TDP1: variants seen among roughly 807,000 people sequenced by gnomAD.
TDP1 encodes the protein tyrosyl-DNA phosphodiesterase 1.
A neutral mutation model predicts 81.5 loss-of-function variants in TDP1; 64 were observed. The ratio of observed to expected loss-of-function variants is 0.79; its 90% CI spans 0.64 to 0.97. The LOEUF (loss-of-function observed/expected upper bound fraction) is 0.97, where lower values mean the gene tolerates loss of function less well. Ranked by LOEUF, TDP1 falls within the 50% of genes least tolerant of loss-of-function variation. TDP1 has a pLI of 0.00. For missense variants in TDP1, 723 were observed against 743.8 expected (o/e 0.97, Z 0.33); for synonymous variants, 256 against 264.3 (o/e 0.97, Z 0.30).
intron 2 of TDP1, among the ~76,000 whole-genome samples, chr14:89,957,604 C>G (rs2139889655): frequency 6.6e-6 from 1 of 152,200 alleles, no homozygotes; most frequent in Middle Eastern, 3.4e-3. Flanking sequence ...AGAGAAATGC[C>G]CCAGCTGGGT....
intron 15 of TDP1, among the ~76,000 whole-genome samples, chr14:90,025,699 A>G (rs1399950377): frequency 6.6e-6 from 1 of 152,250 alleles, no homozygotes; most frequent in Non-Finnish European, 1.5e-5. Context: ...TAACTTTTAA[A>G]TTAGACTACG....
intron 15 of TDP1, among the ~76,000 whole-genome samples, chr14:90,030,981 T>C (rs1887213129): frequency 6.6e-6 from 1 of 151,950 alleles, no homozygotes; most frequent in South Asian, 2.1e-4. Flanking sequence ...CCATGTTGTC[T>C]AGGCTGGTCT....
At position 89,973,532 on chromosome 14, in the gene TDP1, T is replaced by G. The variant is rs35357053; in HGVS notation, c.757-2249T>G. ...TCCTCCTGATCTCTTGAAGCACCTT[T>G]ATACCTTGTCTGTAAGATAAAGTCT... On this transcript the variant is annotated intron_variant, in intron 6 of 16. Transcript: ENST00000335725. 1.6e-4 allele frequency among the ~76,000 whole-genome samples: 25 copies of G among 152,330 alleles called. No individual in the cohort carries two copies. In the East Asian group the frequency reaches 3.3e-3, roughly 20 times the overall value.
At chr14:89,969,343 G>A (rs1203941822) in intron 5 of TDP1, among the ~76,000 whole-genome samples, 1 of 152,176 alleles carries the variant, frequency 6.6e-6, no homozygotes, top group Non-Finnish European at 1.5e-5. Context: ...TTAGAAGGAT[G>A]AGGAGTGACC....
At chr14:89,958,923 C>T (rs1355197112) in intron 2 of TDP1, among the ~76,000 whole-genome samples, 10 of 152,186 alleles carry the variant, frequency 6.6e-5, no homozygotes, top group Admixed American at 1.3e-4. Flanking sequence ...TCAAATATAA[C>T]GTAGCCATAA....
intron 15 of TDP1, among the ~76,000 whole-genome samples, chr14:90,028,538 G>A (rs1052145183): frequency 2.0e-5 from 3 of 152,172 alleles, no homozygotes; most frequent in Non-Finnish European, 2.9e-5. Context: ...TTTTATAAAC[G>A]TATTGTCTTA....
rs529519401 is a variant in TDP1, at chr14:90,030,667, A to T, written c.1645-2439A>T. Among the ~76,000 whole-genome samples, 3 of 152,352 alleles carry T rather than the reference A, an allele frequency of 2.0e-5. No homozygotes were observed. The East Asian group carries it at 5.8e-4, about 29-fold the overall frequency. On this transcript the variant is annotated intron_variant, in intron 15 of 16. Coordinates refer to ENST00000335725, the MANE Select transcript of TDP1 (RefSeq NM_018319.4). ...GGAAAGGAACTTTAGTTCCATTTCT[A>T]CAGATCGGTATTTCTTGAACACCTA...
chr14:89,966,182 T>G lies in TDP1; in HGVS notation c.595T>G (p.Ser199Ala). The change falls in exon 4 of 17, where the codon TCA becomes GCA. Residue 199 changes from serine (S) to alanine (A), a missense_variant. Ser to Ala is a moderately conservative substitution (Grantham distance 99, BLOSUM62 1). Transcript: ENST00000335725. Reference protein sequence around the residue: ...LSPLFGTLVSSAQFNYCFDVD... With the variant: ...LSPLFGTLVSAAQFNYCFDVD... ...TCCTTTATTTGGGACGCTTGTTTCTTCAGCTCAGGTGAGTATACCTTTAAG... is the reference window on the plus strand; with the variant it reads ...TCCTTTATTTGGGACGCTTGTTTCTGCAGCTCAGGTGAGTATACCTTTAAG... 6.2e-7 allele frequency: 1 copy of G among 1,603,616 alleles called. No individual in the cohort carries two copies. Among genetic ancestry groups the G allele is most frequent in the Non-Finnish European group, 8.5e-7 (1 of 1,170,630 alleles).
chr14:89,993,806 A>T (rs1449608339), intron 14 of TDP1, among the ~76,000 whole-genome samples: 2 of 152,212 alleles, frequency 1.3e-5, no homozygotes, highest in Non-Finnish European at 2.9e-5. Flanking sequence ...AAATGTTAAA[A>T]TTAATATTTT....
rs34544576 is a variant in TDP1, at chr14:90,038,746, G to A, written c.1754-4324G>A. Among the ~76,000 whole-genome samples, 409 of 152,252 alleles carry A rather than the reference G, an allele frequency of 2.7e-3. 5 individuals are homozygous for A. The highest frequency in any genetic ancestry group is 9.6e-3 in the African/African-American group (399 of 41,542). On this transcript the variant is annotated intron_variant, in intron 16 of 16. Transcript: ENST00000335725. ...CCAAGTACTTGGGTGGCTGAGACAG[G>A]AGAATCACTTGAACCTGGGAGGTGG...
chr14:90,037,593 C>G (rs978660316), intron 16 of TDP1, among the ~76,000 whole-genome samples: 1 of 152,188 alleles, frequency 6.6e-6, no homozygotes, highest in Non-Finnish European at 1.5e-5. Context: ...ACACTCTTTA[C>G]CCAAGTTCCT....
intron 13 of TDP1, 68 bp downstream of exon 13, chr14:89,992,051 TTG>T: frequency 7.2e-7 from 1 of 1,382,534 alleles, no homozygotes; most frequent in Non-Finnish European, 1.0e-6. Flanking sequence ...TGTCACTGGT[TTG>T]TTTTTTTTTT....
intron 2 of TDP1, among the ~76,000 whole-genome samples, chr14:89,960,971 G>A (rs1332450438): frequency 2.6e-5 from 4 of 152,218 alleles, no homozygotes; most frequent in Non-Finnish European, 5.9e-5. Context: ...GGCCTGACAG[G>A]CTGGGAAGCA....
At chr14:90,030,204 C>T (rs11159945) in intron 15 of TDP1, among the ~76,000 whole-genome samples, 11,204 of 152,220 alleles carry the variant, frequency 0.074, 720 homozygotes, top group South Asian at 0.22. Flanking sequence ...GCCTGCCCTC[C>T]GTGTCTTCCC....
At chr14:89,973,222 T>A (rs1178122970) in intron 6 of TDP1, among the ~76,000 whole-genome samples, 1 of 152,246 alleles carries the variant, frequency 6.6e-6, no homozygotes, top group Admixed American at 6.5e-5. Context: ...TTTGCTTCTA[T>A]TTCCAGCAAC....
chr14:90,043,354 T>C lies in TDP1; in HGVS notation c.*211T>C, dbSNP rs1336106528. The stretch of plus-strand genomic sequence containing the variant: ...ATTAGTTTCTTAATTCACTTTTATA[T>C]GTTTTGGAAAGAAAATTAGTGAACT... On this transcript the variant is annotated 3_prime_UTR_variant, in exon 17 of 17. Transcript: ENST00000335725. The C allele has an allele frequency of 2.0e-5, 13 of 634,774 alleles. No homozygotes were observed. In the East Asian group the frequency reaches 3.3e-4, roughly 16 times the overall value. 39.3% of individuals were successfully genotyped at this position (634,774 alleles called of 1,614,324 possible). A position where few individuals can be genotyped will look rare whatever the true frequency, so the allele number is the denominator to read the frequency against.
chr14:89,956,210 C>G (rs1289940161), intron 1 of TDP1: 3 of 152,414 alleles, frequency 2.0e-5, no homozygotes, highest in African/African-American at 4.8e-5. Flanking sequence ...CTGCGGAGAC[C>G]TGTGTCCTGC....
chr14:89,955,911 A>C (rs1462353589), upstream of TDP1: 1 of 151,026 alleles, frequency 6.6e-6, no homozygotes, highest in African/African-American at 2.4e-5. Flanking sequence ...AACTGCGCGC[A>C]TGCGCGGCGG....
chr14:89,980,716 AT>A lies in TDP1; in HGVS notation c.884+94del, dbSNP rs35916493. ...GAACATTCACTTTATTCTTTTTTCT[AT>A]TTTTTTTTTAAGTTGTAAAAATAAC... On this transcript the variant is annotated intron_variant, in intron 8 of 16. Coordinates refer to ENST00000335725, the MANE Select transcript of TDP1 (RefSeq NM_018319.4). 5,884 of 1,042,250 alleles carry A rather than the reference AT, an allele frequency of 5.6e-3. 2 individuals carry two copies. The highest frequency in any genetic ancestry group is 0.011 in the African/African-American group (650 of 60,268). 64.6% of individuals were successfully genotyped at this position (1,042,250 alleles called of 1,614,324 possible).
Sources: gnomAD v4.1 joint callset for allele counts (sites outside exome capture counted in the v4.1 genomes callset) on GRCh38, gnomAD v4.1.1 for gene constraint, MANE v1.5 for transcripts, NCBI Gene and HGNC (gene_info 2026-07-23, HGNC 2026-07-21) for gene names.